The following SRPK2 variants were observed in gnomAD, a reference collection of about 807,000 sequenced individuals.
SRPK2 encodes SFRS protein kinase 2.
In SRPK2, 21 loss-of-function variants were observed where a neutral mutation model predicts 90.8. The observed-to-expected ratio is 0.23, with a 90% CI of 0.16 to 0.33. The LOEUF (loss-of-function observed/expected upper bound fraction) is 0.33, where lower values mean the gene tolerates loss of function less well. Ranked by LOEUF, SRPK2 falls within the 10% of genes least tolerant of loss-of-function variation. The probability of loss-of-function intolerance (pLI) is 1.00; values close to 1 mark genes in which losing one functional copy is unlikely to be tolerated. For missense variants in SRPK2, 620 were observed against 869.0 expected (o/e 0.71, Z 3.60); for synonymous variants, 288 against 311.1 (o/e 0.93, Z 0.78).
At chr7:105,307,604 C>T (rs996163702) in intron 2 of SRPK2, among the ~76,000 whole-genome samples, 5 of 152,174 alleles carry the variant, frequency 3.3e-5, no homozygotes, top group African/African-American at 1.2e-4. Context: ...TATACCTCTA[C>T]AAAATCCTGA....
chr7:105,334,016 G>C (rs959163654), intron 2 of SRPK2, among the ~76,000 whole-genome samples: 2 of 152,034 alleles, frequency 1.3e-5, no homozygotes, highest in Non-Finnish European at 2.9e-5. Context: ...TCCGCCTTCC[G>C]GTTTCAAGTC....
chr7:105,305,376 G>A (rs765169432), intron 2 of SRPK2, among the ~76,000 whole-genome samples: 3 of 151,278 alleles, frequency 2.0e-5, no homozygotes, highest in Non-Finnish European at 2.9e-5. Context: ...AACCCAAGAG[G>A]CAGAGGTTGC....
chr7:105,342,015 G>A lies in SRPK2; in HGVS notation c.71+46633C>T, dbSNP rs573043263. On this transcript the variant is annotated intron_variant, in intron 2 of 15. Coordinates refer to ENST00000393651, the MANE Select transcript of SRPK2 (RefSeq NM_182692.3). The stretch of plus-strand genomic sequence containing the variant: ...AGGGTGACTCATGCCTGTAATCCCA[G>A]CACTTGGGGAGGCCAAGGTGGGCGG... 5.9e-5 allele frequency among the ~76,000 whole-genome samples: 9 copies of A among 151,912 alleles called. No homozygotes were observed. In the East Asian group the frequency reaches 1.8e-3, roughly 30 times the overall value.
chr7:105,170,977 G>GAAAGAAAGAAAGAAAGAAAGAAAGAGAA (rs749907215), intron 3 of SRPK2, among the ~76,000 whole-genome samples: 1 of 42,210 alleles, frequency 2.4e-5, no homozygotes, highest in African/African-American at 1.0e-4. Flanking sequence ...GAGAAAGAAA[G>GAAAGAAAGAAAGAAAGAAAGAAAGAGAA]AGAAAGAAAG....
At chr7:105,335,588 T>A (rs1173237839) in intron 2 of SRPK2, among the ~76,000 whole-genome samples, 2 of 143,942 alleles carry the variant, frequency 1.4e-5, no homozygotes, top group African/African-American at 2.6e-5. Context: ...GCCCAGGAGG[T>A]GGAGGTTGCA....
intron 2 of SRPK2, among the ~76,000 whole-genome samples, chr7:105,212,318 A>C (rs1190766947): frequency 6.6e-6 from 1 of 152,184 alleles, no homozygotes; most frequent in African/African-American, 2.4e-5. Context: ...TGTACAGTCT[A>C]GTGAGGAGGG....
chr7:105,209,410 G>A (rs894197110), intron 2 of SRPK2, among the ~76,000 whole-genome samples: 3 of 152,138 alleles, frequency 2.0e-5, no homozygotes, highest in African/African-American at 7.2e-5. Flanking sequence ...TGGGCGTGGT[G>A]GCACACATCT....
chr7:105,136,960 A>C (rs1170761122), intron 11 of SRPK2, among the ~76,000 whole-genome samples: 2 of 152,232 alleles, frequency 1.3e-5, no homozygotes, highest in East Asian at 3.8e-4. Context: ...GCAATAAGGC[A>C]AATAAACGAG....
intron 2 of SRPK2, among the ~76,000 whole-genome samples, chr7:105,282,301 C>A (rs1807449975): frequency 6.6e-6 from 1 of 152,108 alleles, no homozygotes; most frequent in South Asian, 2.1e-4. Flanking sequence ...CCCCTTCACA[C>A]CATATACAAA....
intron 2 of SRPK2, among the ~76,000 whole-genome samples, chr7:105,270,982 C>T (rs1805756710): frequency 6.6e-6 from 1 of 152,134 alleles, no homozygotes; most frequent in Non-Finnish European, 1.5e-5. Flanking sequence ...TTTAAATCCA[C>T]CTTCTCCTTC....
intron 3 of SRPK2, among the ~76,000 whole-genome samples, chr7:105,169,505 T>C (rs1280997633): frequency 1.3e-5 from 2 of 152,296 alleles, no homozygotes; most frequent in East Asian, 3.9e-4. Flanking sequence ...GGCAGGTGGA[T>C]CATTTCAGAT....
chr7:105,120,182 G>T (rs1800131299), intron 15 of SRPK2, among the ~76,000 whole-genome samples: 1 of 152,276 alleles, frequency 6.6e-6, no homozygotes, highest in Non-Finnish European at 1.5e-5. Flanking sequence ...AAGTTCTCTG[G>T]GAAAGGGAGC....
intron 7 of SRPK2, among the ~76,000 whole-genome samples, chr7:105,152,106 T>G (rs938952856): frequency 4.6e-5 from 7 of 152,022 alleles, no homozygotes; most frequent in Non-Finnish European, 1.0e-4. Flanking sequence ...ACCCGTATGG[T>G]ACATCCCAGC....
At chr7:105,269,643 G>C (rs1292576050) in intron 2 of SRPK2, among the ~76,000 whole-genome samples, 1 of 152,132 alleles carries the variant, frequency 6.6e-6, no homozygotes, top group Non-Finnish European at 1.5e-5. Flanking sequence ...AAAGATAATT[G>C]CTGATACTGA....
At chr7:105,218,418 T>G (rs1178463778) in intron 2 of SRPK2, among the ~76,000 whole-genome samples, 19 of 152,206 alleles carry the variant, frequency 1.2e-4, no homozygotes, top group Admixed American at 1.2e-3. Flanking sequence ...ACCAGGTGAC[T>G]GATACACACC....
chr7:105,167,905 C>G, intron 5 of SRPK2, 103 bp downstream of exon 5: 1 of 999,408 alleles, frequency 1.0e-6, no homozygotes, highest in South Asian at 1.6e-5. Context: ...GCCACCGTGC[C>G]CAGCCAAACT....
At chr7:105,358,359 A>G (rs572936421) in intron 2 of SRPK2, among the ~76,000 whole-genome samples, 1 of 152,218 alleles carries the variant, frequency 6.6e-6, no homozygotes, top group East Asian at 1.9e-4. Flanking sequence ...TTCCTACAAT[A>G]AAACAAGATA....
intron 2 of SRPK2, among the ~76,000 whole-genome samples, chr7:105,349,332 G>C (rs527339150): frequency 6.6e-6 from 1 of 152,024 alleles, no homozygotes; most frequent in African/African-American, 2.4e-5. Context: ...AGACCAGCCC[G>C]ACCAACATGG....
At chr7:105,389,350 T>G (rs923485533), upstream of SRPK2, 2 of 1,275,384 alleles carry the variant, frequency 1.6e-6, no homozygotes, top group East Asian at 1.3e-4. Context: ...CCTTTGCTCC[T>G]CTACATCCTT....
Sources: gnomAD v4.1 joint callset for allele counts (sites outside exome capture counted in the v4.1 genomes callset) on GRCh38, gnomAD v4.1.1 for gene constraint, MANE v1.5 for transcripts, NCBI Gene and HGNC (gene_info 2026-07-23, HGNC 2026-07-21) for gene names.